The following EIPR1 variants were observed in gnomAD, a reference collection of about 807,000 sequenced individuals.
EIPR1 encodes EARP and GARP complex-interacting protein 1.
Under a neutral mutation model 48.1 loss-of-function variants are expected in EIPR1, and 25 were observed. The observed-to-expected ratio is 0.52, with a 90% CI of 0.38 to 0.73. The LOEUF (loss-of-function observed/expected upper bound fraction) is 0.73, where lower values mean the gene tolerates loss of function less well. EIPR1 is among the 30% of genes least tolerant of loss of function. EIPR1 has a pLI of 0.00. For missense variants in EIPR1, 415 were observed against 506.2 expected, an observed-to-expected ratio of 0.82 and a Z score of 1.73; for synonymous variants, 204 against 201.9, an observed-to-expected ratio of 1.01 and a Z score of -0.09.
At chr2:3,216,481 G>T (rs1049190279) in intron 4 of EIPR1, among the ~76,000 whole-genome samples, 1 of 148,020 alleles carries the variant, frequency 6.8e-6, no homozygotes, top group African/African-American at 2.5e-5. Flanking sequence ...CAGAAAGGCA[G>T]AGATTCCCTT....
At chr2:3,327,947 G>A (rs56379453) in intron 3 of EIPR1, among the ~76,000 whole-genome samples, 69,254 of 151,718 alleles carry the variant, frequency 0.46, 17,141 homozygotes, top group East Asian at 0.81. Flanking sequence ...GCATCTTCTC[G>A]TGTTGCCCAG....
At chr2:3,225,220 ATATGTG>A (rs889814589) in intron 4 of EIPR1, among the ~76,000 whole-genome samples, 82 of 90,430 alleles carry the variant, frequency 9.1e-4, no homozygotes, top group East Asian at 6.4e-4. Context: ...GTACACTGTG[ATATGTG>A]TGTGTGTGTG....
chr2:3,208,431 C>T, intron 5 of EIPR1: 1 of 1,474,294 alleles, frequency 6.8e-7, no homozygotes, highest in African/African-American at 1.4e-5. Flanking sequence ...CACCTTCAGA[C>T]ACTTCCTCTG....
Position 3,286,290 on chromosome 2 carries a change from G to A in EIPR1, c.260-28835C>T, listed in dbSNP as rs975636539. ...GGGTGATTCGACAACTGCCGTCACC[G>A]TGCCTGCCTGTGTATGACGTGTACA... On this transcript the variant is annotated intron_variant, in intron 3 of 8. Coordinates refer to ENST00000382125, the MANE Select transcript of EIPR1 (RefSeq NM_003310.5). The surrounding 1 kb of genome is among the most constrained non-coding windows in gnomAD (Gnocchi z 4.2). Among the ~76,000 whole-genome samples, 10 of 152,322 alleles carry A rather than the reference G, an allele frequency of 6.6e-5. No homozygotes were observed. The highest frequency in any genetic ancestry group is 1.9e-4 in the East Asian group (1 of 5,180).
At chr2:3,330,572 C>G (rs571142986) in intron 3 of EIPR1, among the ~76,000 whole-genome samples, 9 of 151,076 alleles carry the variant, frequency 6.0e-5, no homozygotes, top group African/African-American at 2.2e-4. Context: ...TGCGCACACT[C>G]ACGAGACAGT....
rs1185177584 is a variant in EIPR1 at position 3,287,307 on chromosome 2, GAAAGCTCGTTCACCACA to G, written c.260-29869_260-29853del. Among the ~76,000 whole-genome samples the G allele has an allele frequency of 1.1e-3, 168 of 150,000 alleles. 3 individuals are homozygous for G. The highest frequency in any genetic ancestry group is 3.9e-3 in the African/African-American group (160 of 40,606). On this transcript the variant is annotated intron_variant, in intron 3 of 8. Coordinates refer to ENST00000382125, the MANE Select transcript of EIPR1 (RefSeq NM_003310.5). ...CAGAAAGCTCGTTCACCACACTCCA[GAAAGCTCGTTCACCACA>G]CTCCAGAAAGCTCGTTCACTGCGCT...
Position 3,312,365 on chromosome 2 carries a change from G to C in EIPR1, c.259+25652C>G, listed in dbSNP as rs575400872. Among the ~76,000 whole-genome samples, 22 of 152,268 alleles carry C rather than the reference G, an allele frequency of 1.4e-4. No homozygotes were observed. The highest frequency in any genetic ancestry group is 4.6e-4 in the African/African-American group (19 of 41,550). On this transcript the variant is annotated intron_variant, in intron 3 of 8. Coordinates refer to ENST00000382125, the MANE Select transcript of EIPR1 (RefSeq NM_003310.5). The surrounding 1 kb of genome is among the most constrained non-coding windows in gnomAD (Gnocchi z 5.5). ...CTGTGGCATAAAATTGAGTTTCCTG[G>C]CAAAGACAGTCCCTGGAAGGTTCTG...
chr2:3,274,240 G>C, intron 3 of EIPR1: 1 of 1,498,128 alleles, frequency 6.7e-7, no homozygotes. Context: ...TCAGACTCAG[G>C]AGCACAACTA....
intron 3 of EIPR1, among the ~76,000 whole-genome samples, chr2:3,283,683 A>G (rs1668085102): frequency 6.6e-6 from 1 of 152,200 alleles, no homozygotes; most frequent in Non-Finnish European, 1.5e-5. Context: ...CAGAGGCTCC[A>G]ATCTAATCCC....
chr2:3,214,011 C>G, intron 5 of EIPR1, 138 bp downstream of exon 5: 1 of 640,886 alleles, frequency 1.6e-6, no homozygotes, highest in Admixed American at 2.8e-5. Context: ...CCCCCAACCC[C>G]ACGACAGGCC....
At chr2:3,313,906 C>T (rs1178151139) in intron 3 of EIPR1, among the ~76,000 whole-genome samples, 4 of 152,166 alleles carry the variant, frequency 2.6e-5, no homozygotes, top group East Asian at 1.9e-4. Flanking sequence ...CCTCACCCCC[C>T]GGTCTTCATT....
chr2:3,336,426 G>A (rs770851462), intron 3 of EIPR1, among the ~76,000 whole-genome samples: 1 of 152,168 alleles, frequency 6.6e-6, no homozygotes, highest in Non-Finnish European at 1.5e-5. Context: ...TGCCCTCCAT[G>A]TGGAAGGCAG....
chr2:3,324,214 G>A (rs1053887668), intron 3 of EIPR1, among the ~76,000 whole-genome samples: 3 of 152,198 alleles, frequency 2.0e-5, no homozygotes, highest in Non-Finnish European at 2.9e-5. Context: ...GTGGCACTGT[G>A]AAAGCCAGAG....
intron 1 of EIPR1, among the ~76,000 whole-genome samples, chr2:3,358,097 C>T (rs1439234157): frequency 6.6e-6 from 1 of 152,128 alleles, no homozygotes; most frequent in Admixed American, 6.5e-5. Context: ...CCTTCCCATA[C>T]GGAGCTCCGA....
At chr2:3,250,853 G>A (rs1013302527) in intron 4 of EIPR1, among the ~76,000 whole-genome samples, 1 of 152,056 alleles carries the variant, frequency 6.6e-6, no homozygotes, top group African/African-American at 2.4e-5. Context: ...CACCTTCCAC[G>A]ATGGTTGTAA....
chr2:3,238,382 G>A (rs559659970), intron 4 of EIPR1, among the ~76,000 whole-genome samples: 1 of 152,348 alleles, frequency 6.6e-6, no homozygotes, highest in Admixed American at 6.5e-5. Flanking sequence ...AGCCGCGGGA[G>A]GTCCTGTCGC....
intron 2 of EIPR1, chr2:3,353,427 G>A: frequency 2.4e-6 from 1 of 408,304 alleles, no homozygotes; most frequent in South Asian, 1.9e-5. Context: ...TTCTTAAGTT[G>A]TCATGTTTCT....
chr2:3,237,025 C>T (rs965562492), intron 4 of EIPR1, among the ~76,000 whole-genome samples: 21 of 152,114 alleles, frequency 1.4e-4, no homozygotes, highest in African/African-American at 5.1e-4. Context: ...TGATTTCCTA[C>T]GGTGGCTGCA....
chr2:3,199,061 G>GCCCCCCCC (rs1334678710), intron 5 of EIPR1, among the ~76,000 whole-genome samples: 8 of 22,588 alleles, frequency 3.5e-4, no homozygotes, highest in African/African-American at 6.3e-4. Flanking sequence ...ATTTTAGAGG[G>GCCCCCCCC]CCCCCCCCCC....
Sources: gnomAD v4.1 joint callset for allele counts (sites outside exome capture counted in the v4.1 genomes callset) on GRCh38, gnomAD v4.1.1 for gene constraint, Gnocchi (gnomAD v3.1) non-coding constraint, MANE v1.5 for transcripts, NCBI Gene and HGNC (gene_info 2026-07-23, HGNC 2026-07-21) for gene names.